The following PGM2L1 variants were observed in gnomAD, a reference collection of about 807,000 sequenced individuals.
PGM2L1 encodes the protein phosphoglucomutase 2 like 1.
Under a neutral mutation model 73.4 loss-of-function variants are expected in PGM2L1, and 35 were observed. The ratio of observed to expected loss-of-function variants is 0.48; its 90% CI spans 0.36 to 0.63. The LOEUF is 0.63. Among genes scored for constraint, PGM2L1 ranks in the 30% least tolerant of loss-of-function variants. PGM2L1 has a pLI of 0.00. For synonymous variants in PGM2L1, 225 were observed against 253.8 expected (o/e 0.89, Z 1.08); for missense variants, 570 against 742.0 (o/e 0.77, Z 2.69).
chr11:74,353,029 T>C lies in PGM2L1; in HGVS notation c.556-1453A>G, dbSNP rs182608369. ...AGGAAGCATGTCTCTTCTTGAGTTCTGGGTAATTAAAAAAATTTTCAAATC... is the reference window on the plus strand; with the variant it reads ...AGGAAGCATGTCTCTTCTTGAGTTCCGGGTAATTAAAAAAATTTTCAAATC... On this transcript the variant is annotated intron_variant, in intron 5 of 13. Transcript: ENST00000298198. Among the ~76,000 whole-genome samples the C allele has an allele frequency of 4.5e-3, 678 of 152,014 alleles. 6 individuals carry two copies. Among genetic ancestry groups the C allele is most frequent in the African/African-American group, 0.016 (653 of 41,302 alleles).
intron 1 of PGM2L1, among the ~76,000 whole-genome samples, chr11:74,384,985 A>G (rs1283685828): frequency 6.6e-6 from 1 of 152,224 alleles, no homozygotes; most frequent in African/African-American, 2.4e-5. Flanking sequence ...TGCCCTGGGC[A>G]AAAGTGGCCC....
intron 5 of PGM2L1, among the ~76,000 whole-genome samples, chr11:74,359,078 T>C (rs980178688): frequency 1.3e-5 from 2 of 152,214 alleles, no homozygotes; most frequent in Admixed American, 6.5e-5. Context: ...TATATATTCA[T>C]GCATATATTC....
At chr11:74,380,533 C>A (rs1319625516) in intron 1 of PGM2L1, among the ~76,000 whole-genome samples, 1 of 151,910 alleles carries the variant, frequency 6.6e-6, no homozygotes. Flanking sequence ...ACACAAAAAT[C>A]ATATCCATGA....
Position 74,398,348 on chromosome 11 carries a change from G to T in PGM2L1, c.-187C>A. ...GGAACCGGGAGAGAGGGGGTTTATG[G>T]CCGCCTGCTCCCCAGCGGACCAGGT... On this transcript the variant is annotated 5_prime_UTR_variant, in exon 1 of 14. Transcript: ENST00000298198. 1.1e-6 allele frequency: 1 copy of T among 882,160 alleles called. No individual in the cohort carries two copies. Among genetic ancestry groups the T allele is most frequent in the Admixed American group, 3.5e-5 (1 of 28,204 alleles). 54.6% of individuals were successfully genotyped at this position (882,160 alleles called of 1,614,324 possible). A position where few individuals can be genotyped will look rare whatever the true frequency, so the allele number is the denominator to read the frequency against.
At position 74,361,212 on chromosome 11, in the gene PGM2L1, C is replaced by A. The variant is rs192611567; in HGVS notation, c.555+7280G>T. ...CTCTGAGACAAAGCTTCTAGAGGAA[C>A]AATCAGGCAGGAACATTTGCTGTTC... On this transcript the variant is annotated intron_variant, in intron 5 of 13. Transcript: ENST00000298198. 6.3e-3 allele frequency among the ~76,000 whole-genome samples: 954 copies of A among 152,298 alleles called. 10 individuals are homozygous for A. The highest frequency in any genetic ancestry group is 0.021 in the African/African-American group (885 of 41,574).
At chr11:74,338,363 C>T (rs1175201775) in intron 13 of PGM2L1, 105 bp downstream of exon 13, 1 of 1,113,120 alleles carries the variant, frequency 9.0e-7, no homozygotes. Context: ...TTTGAACATA[C>T]TAAAAGCCAC....
Position 74,370,994 on chromosome 11 carries a change from AAG to A in PGM2L1, c.387-10_387-9del, listed in dbSNP as rs2134929393. On this transcript the variant is annotated splice_polypyrimidine_tract_variant and intron_variant, in intron 3 of 13. Coordinates refer to ENST00000298198, the MANE Select transcript of PGM2L1 (RefSeq NM_173582.6). Reference sequence around the variant, plus strand: ...GCAGTGAGTTTAGCAAGCCTAAAAAAAGAGAGATTTAACTTAGTCCTTTGCCT... The same window carrying A: ...GCAGTGAGTTTAGCAAGCCTAAAAAAAGAGATTTAACTTAGTCCTTTGCCT... 2 of 1,610,966 alleles carry A rather than the reference AAG, an allele frequency of 1.2e-6. No homozygotes were observed. The highest frequency in any genetic ancestry group is 1.7e-6 in the Non-Finnish European group (2 of 1,177,606).
At chr11:74,337,745 A>C (rs2134877205) in intron 13 of PGM2L1, among the ~76,000 whole-genome samples, 1 of 152,362 alleles carries the variant, frequency 6.6e-6, no homozygotes, top group African/African-American at 2.4e-5. Flanking sequence ...TAATCACATA[A>C]TACTTAAAGC....
At chr11:74,395,150 T>A (rs1419577716) in intron 1 of PGM2L1, among the ~76,000 whole-genome samples, 2 of 152,162 alleles carry the variant, frequency 1.3e-5, no homozygotes, top group African/African-American at 4.8e-5. Flanking sequence ...ATTTATTATA[T>A]TTATTAAATA....
At chr11:74,355,685 C>A in intron 5 of PGM2L1, 1 of 510,856 alleles carries the variant, frequency 2.0e-6, no homozygotes, top group Non-Finnish European at 3.9e-6. Flanking sequence ...TATGGTGGTT[C>A]CAATAGCAGC....
chr11:74,349,145 T>C (rs775683909), intron 6 of PGM2L1, among the ~76,000 whole-genome samples: 1 of 152,232 alleles, frequency 6.6e-6, no homozygotes, highest in Non-Finnish European at 1.5e-5. Context: ...CTTTTAAAAA[T>C]AATGATCCTT....
At chr11:74,393,376 A>G (rs900560376) in intron 1 of PGM2L1, among the ~76,000 whole-genome samples, 4 of 152,194 alleles carry the variant, frequency 2.6e-5, no homozygotes, top group African/African-American at 9.6e-5. Flanking sequence ...CTACGCAATG[A>G]CCCTGGAGTA....
At chr11:74,389,263 A>G (rs940664805) in intron 1 of PGM2L1, among the ~76,000 whole-genome samples, 14 of 152,122 alleles carry the variant, frequency 9.2e-5, no homozygotes, top group African/African-American at 3.1e-4. Context: ...TTCTCTACAA[A>G]ACAAAACAAA....
rs1241725691 is a variant in PGM2L1 at position 74,334,208 on chromosome 11, A to T, written c.*2444T>A. Reference sequence around the variant, plus strand: ...CATTATATTAAAGCACTCAAATAAAACTGTTTTCTTCATAATAGAATGACA... The same window carrying T: ...CATTATATTAAAGCACTCAAATAAATCTGTTTTCTTCATAATAGAATGACA... On this transcript the variant is annotated 3_prime_UTR_variant, in exon 14 of 14. Transcript: ENST00000298198. 2 of 152,192 alleles carry T rather than the reference A, an allele frequency of 1.3e-5. No individual in the cohort carries two copies. The highest frequency in any genetic ancestry group is 2.9e-5 in the Non-Finnish European group (2 of 68,032). The allele number at this position is 152,192 out of a possible 1,614,324, so 9.4% of individuals were successfully genotyped here.
At chr11:74,383,248 C>A (rs1398366708) in intron 1 of PGM2L1, among the ~76,000 whole-genome samples, 2 of 151,508 alleles carry the variant, frequency 1.3e-5, no homozygotes, top group Non-Finnish European at 2.9e-5. Flanking sequence ...TTTTAATATG[C>A]AAAAACACTT....
chr11:74,359,426 T>G (rs1390381484), intron 5 of PGM2L1, among the ~76,000 whole-genome samples: 1 of 151,768 alleles, frequency 6.6e-6, no homozygotes, highest in Non-Finnish European at 1.5e-5. Flanking sequence ...AATACAAATA[T>G]ATACACATAC....
intron 2 of PGM2L1, 141 bp from the exon 3 acceptor site, chr11:74,371,958 T>C (rs936215010): frequency 3.0e-6 from 2 of 666,938 alleles, no homozygotes; most frequent in African/African-American, 1.8e-5. Flanking sequence ...TGTTTACCAG[T>C]GTGGGAGCAA....
chr11:74,330,328 C>G lies in PGM2L1; in HGVS notation c.*6324G>C, dbSNP rs969096478. On this transcript the variant is annotated 3_prime_UTR_variant, in exon 14 of 14. Coordinates refer to ENST00000298198, the MANE Select transcript of PGM2L1 (RefSeq NM_173582.6). ...ACAGAAACTCATGCCTATGAAGAGA[C>G]CTGTTTATTACTGATAACACTTCAT... 1 of 152,576 alleles carries G rather than the reference C, an allele frequency of 6.6e-6. No homozygotes were observed. 9.5% of individuals were successfully genotyped at this position (152,576 alleles called of 1,614,324 possible).
At chr11:74,338,364 TA>T (rs1862129254) in intron 13 of PGM2L1, 103 bp downstream of exon 13, 2 of 1,120,460 alleles carry the variant, frequency 1.8e-6, no homozygotes, top group South Asian at 2.8e-5. Context: ...TTGAACATAC[TA>T]AAAGCCACTG....
Sources: gnomAD v4.1 joint callset for allele counts (sites outside exome capture counted in the v4.1 genomes callset) on GRCh38, gnomAD v4.1.1 for gene constraint, MANE v1.5 for transcripts, NCBI Gene and HGNC (gene_info 2026-07-23, HGNC 2026-07-21) for gene names.